MOBP: variants seen among roughly 807,000 people sequenced by gnomAD.
MOBP encodes myelin associated oligodendrocyte basic protein, also known as myelin-associated oligodendrocyte basic protein.
In MOBP, 5 loss-of-function variants were observed where a neutral mutation model predicts 15.0. That is an observed-to-expected ratio of 0.33 (90% CI 0.17 to 0.70). MOBP has a LOEUF of 0.70. Among genes scored for constraint, MOBP ranks in the 30% least tolerant of loss-of-function variants. The pLI is 0.67. For missense variants in MOBP, 188 were observed against 257.8 expected (o/e 0.73, Z 1.85); for synonymous variants, 88 against 99.0 (o/e 0.89, Z 0.66).
At chr3:39,529,108 G>A (rs938190640), downstream of MOBP, 1 of 152,216 alleles carries the variant, frequency 6.6e-6, no homozygotes, top group Non-Finnish European at 1.5e-5. Context: ...GTCAGAAAAT[G>A]TTAGGTAAGT....
intron 2 of MOBP, among the ~76,000 whole-genome samples, chr3:39,488,008 A>G (rs2042742390): frequency 6.6e-6 from 1 of 152,088 alleles, no homozygotes. Flanking sequence ...CCTTCTATTT[A>G]TTCATGCATT....
chr3:39,514,573 G>C (rs745523669), exon 5 of MOBP: 2 of 152,400 alleles, frequency 1.3e-5, no homozygotes, highest in Non-Finnish European at 2.9e-5. Flanking sequence ...AGGAAAAATA[G>C]GACAGGAGCT....
chr3:39,518,005 A>G (rs541712554), downstream of MOBP, among the ~76,000 whole-genome samples: 26 of 152,366 alleles, frequency 1.7e-4, no homozygotes, highest in Non-Finnish European at 1.9e-4. Context: ...GCCTTACTTC[A>G]TAGCAAATCA....
At position 39,502,432 on chromosome 3, in the gene MOBP, G is replaced by A. The variant is rs2042985935; in HGVS notation, c.207-103G>A. ...ACTCCAGGGAGACTGGAAGGTGGGT[G>A]GGGGAGCAGGGCCTTCCTACCTGTT... On this transcript the variant is annotated intron_variant, in intron 3 of 3. Coordinates refer to ENST00000684792, the MANE Select transcript of MOBP (RefSeq NM_001393704.1). This position sits in a 1 kb window ranked among gnomAD's most constrained non-coding sequence, Gnocchi z 6.3. 2.0e-6 allele frequency: 3 copies of A among 1,521,742 alleles called. No individual in the cohort carries two copies. The highest frequency in any genetic ancestry group is 1.4e-5 in the African/African-American group (1 of 72,906). 94.3% of individuals were successfully genotyped at this position (1,521,742 alleles called of 1,614,324 possible). A position where few individuals can be genotyped will look rare whatever the true frequency, so the allele number is the denominator to read the frequency against.
chr3:39,489,357 A>G (rs1354234693), intron 2 of MOBP, among the ~76,000 whole-genome samples: 1 of 152,078 alleles, frequency 6.6e-6, no homozygotes, highest in Non-Finnish European at 1.5e-5. Flanking sequence ...TCTTCTCTGT[A>G]CCCTAAGCTC....
chr3:39,524,462 C>A (rs2043303846), exon 5 of MOBP: 2 of 151,790 alleles, frequency 1.3e-5, no homozygotes, highest in Admixed American at 6.6e-5. Flanking sequence ...TTTCTTCAAT[C>A]TGAAGATACA....
intron 1 of MOBP, among the ~76,000 whole-genome samples, chr3:39,479,250 A>G (rs1357393837): frequency 6.6e-6 from 1 of 152,218 alleles, no homozygotes; most frequent in Non-Finnish European, 1.5e-5. Flanking sequence ...ACTCTTACAA[A>G]GATTTCTATA....
intron 2 of MOBP, among the ~76,000 whole-genome samples, chr3:39,489,394 TACTC>T (rs2042761750): frequency 1.3e-5 from 2 of 152,194 alleles, no homozygotes; most frequent in South Asian, 2.1e-4. Flanking sequence ...TTCTTTGTCT[TACTC>T]ACCACTGGCA....
chr3:39,514,864 C>T (rs2043176362), exon 5 of MOBP: 1 of 152,210 alleles, frequency 6.6e-6, no homozygotes, highest in Non-Finnish European at 1.5e-5. Flanking sequence ...CAGGATCTAC[C>T]ACATCCCCTA....
chr3:39,506,890 T>C (rs2043055766), downstream of MOBP, among the ~76,000 whole-genome samples: 2 of 152,186 alleles, frequency 1.3e-5, no homozygotes. Context: ...TGTATATCAG[T>C]GGTGCTTTCT....
downstream of MOBP, chr3:39,525,088 G>A (rs1252581351): frequency 6.6e-6 from 1 of 151,538 alleles, no homozygotes; most frequent in Admixed American, 6.6e-5. Context: ...AAAGTAAAAG[G>A]GTATCCCAAA....
At position 39,502,840 on chromosome 3, in the gene MOBP, GC is replaced by G. The variant is rs1296854235; in HGVS notation, c.514del (p.Arg172ValfsTer56). ...AGCCCCCTCAGAGGGCCAGGCGCCA[GC>G]CGTGGGGGGTCCCCCGTCAAAGCTT... is the stretch of plus-strand genomic sequence containing the variant. ...RSSPLRGPGASRGGSPVKASR... is the reference protein window; with the variant it reads ...RSSPLRGPGAXRGGSPVKASR... On this transcript the variant is annotated frameshift_variant, in exon 4 of 4. Transcript: ENST00000684792. LOFTEE classifies it high-confidence loss of function. The surrounding 1 kb of genome is among the most constrained non-coding windows in gnomAD (Gnocchi z 6.3). 2 of 1,489,554 alleles carry G rather than the reference GC, an allele frequency of 1.3e-6. No individual in the cohort carries two copies. The highest frequency in any genetic ancestry group is 1.8e-6 in the Non-Finnish European group (2 of 1,112,368). 92.3% of individuals were successfully genotyped at this position (1,489,554 alleles called of 1,614,324 possible). A position where few individuals can be genotyped will look rare whatever the true frequency, so the allele number is the denominator to read the frequency against.
downstream of MOBP, among the ~76,000 whole-genome samples, chr3:39,505,562 T>G (rs559349): frequency 0.21 from 31,363 of 152,120 alleles, 3,305 homozygotes; most frequent in Middle Eastern, 0.26. Flanking sequence ...TTATACATCC[T>G]GGTGGTCCCT....
rs1159531717 is a variant in MOBP at position 39,469,108 on chromosome 3, GTA to G, written c.-89+1375_-89+1376del. Among the ~76,000 whole-genome samples the G allele has an allele frequency of 3.6e-3, 183 of 51,080 alleles. 47 individuals are homozygous for G. Among genetic ancestry groups the G allele is most frequent in the Non-Finnish European group, 4.4e-3 (123 of 27,726 alleles). The allele number at this position is 51,080 out of a possible 152,430, so 33.5% of individuals were successfully genotyped here. On this transcript the variant is annotated intron_variant, in intron 1 of 3. Transcript: ENST00000684792. ...TATATACATATATACATATGTGTGT[GTA>G]TATATACATATATACATATGTGTGT...
chr3:39,501,312 C>T (rs1001652553), intron 2 of MOBP, among the ~76,000 whole-genome samples: 6 of 152,198 alleles, frequency 3.9e-5, no homozygotes, highest in African/African-American at 1.4e-4. Context: ...TAAGTTGATT[C>T]CTGTTGATTG....
At chr3:39,472,457 T>C (rs1051849482) in intron 1 of MOBP, among the ~76,000 whole-genome samples, 7 of 152,210 alleles carry the variant, frequency 4.6e-5, no homozygotes, top group Non-Finnish European at 1.5e-5. Context: ...ATTGAGGAAC[T>C]CAACTACTGG....
intron 2 of MOBP, among the ~76,000 whole-genome samples, chr3:39,501,351 G>A (rs1320763726): frequency 6.6e-6 from 1 of 152,120 alleles, no homozygotes; most frequent in African/African-American, 2.4e-5. Context: ...TGTGGGCTTC[G>A]GTGTTTTGCA....
chr3:39,507,633 G>C (rs2043064609), downstream of MOBP, among the ~76,000 whole-genome samples: 3 of 152,194 alleles, frequency 2.0e-5, no homozygotes, highest in Admixed American at 2.0e-4. Context: ...CTTCTAGGCA[G>C]TAGTTAGGGC....
At chr3:39,521,959 G>T (rs190389937) in intron 3 of MOBP, among the ~76,000 whole-genome samples, 2 of 152,350 alleles carry the variant, frequency 1.3e-5, no homozygotes, top group Admixed American at 6.5e-5. Context: ...TCTTGTGGTG[G>T]TGAGTGGGTA....
Sources: allele counts gnomAD v4.1 joint callset (sites outside exome capture counted in the v4.1 genomes callset), GRCh38; gene constraint gnomAD v4.1.1; non-coding constraint Gnocchi (gnomAD v3.1); transcripts MANE v1.5; gene names NCBI Gene and HGNC (gene_info 2026-07-23, HGNC 2026-07-21).